Variants in SLC9A9 observed in about 807,000 individuals in gnomAD.
SLC9A9 encodes solute carrier family 9 member A9, also known as sodium/hydrogen exchanger 9.
In SLC9A9, 62 loss-of-function variants were observed where a neutral mutation model predicts 77.8. That is an observed-to-expected ratio of 0.80 (90% CI 0.65 to 0.98). SLC9A9 has a LOEUF of 0.98. Among genes scored for constraint, SLC9A9 ranks in the 50% least tolerant of loss-of-function variants. The pLI, the probability that SLC9A9 is intolerant of heterozygous loss-of-function variation, is 0.00. For synonymous variants in SLC9A9, 320 were observed against 283.5 expected, an observed-to-expected ratio of 1.13 and a Z score of -1.29; for missense variants, 775 against 774.9, an observed-to-expected ratio of 1.00 and a Z score of 0.00.
At chr3:143,449,067 A>T (rs375302641) in intron 12 of SLC9A9, among the ~76,000 whole-genome samples, 5 of 26,034 alleles carry the variant, frequency 1.9e-4, no homozygotes, top group Non-Finnish European at 2.7e-4. Context: ...AATTATATAA[A>T]TATAATTATA....
At chr3:143,303,649 C>A (rs1020278063) in intron 14 of SLC9A9, among the ~76,000 whole-genome samples, 1 of 152,204 alleles carries the variant, frequency 6.6e-6, no homozygotes, top group Non-Finnish European at 1.5e-5. Context: ...TACATATGAG[C>A]ATACTAAACC....
chr3:143,693,093 AATT>A, intron 5 of SLC9A9, 96 bp downstream of exon 5: 1 of 881,784 alleles, frequency 1.1e-6, no homozygotes, highest in African/African-American at 1.7e-5. Flanking sequence ...GAAAAATAGA[AATT>A]ATTATTATGT....
intron 14 of SLC9A9, among the ~76,000 whole-genome samples, chr3:143,336,032 A>T (rs2031910151): frequency 6.6e-6 from 1 of 152,232 alleles, no homozygotes; most frequent in Non-Finnish European, 1.5e-5. Context: ...TAATATTCAG[A>T]CTATGTTAAA....
At chr3:143,736,377 G>C (rs73154705) in intron 4 of SLC9A9, among the ~76,000 whole-genome samples, 2 of 152,094 alleles carry the variant, frequency 1.3e-5, no homozygotes, top group Admixed American at 1.3e-4. Context: ...TCAAGTGTTC[G>C]ATTATTCATT....
chr3:143,636,426 C>A (rs2038521667), intron 6 of SLC9A9, among the ~76,000 whole-genome samples: 1 of 152,114 alleles, frequency 6.6e-6, no homozygotes, highest in Non-Finnish European at 1.5e-5. Flanking sequence ...ACAATCATAT[C>A]CGCTCATCTA....
Position 143,787,778 on chromosome 3 carries a change from G to A in SLC9A9, c.533+7223C>T, listed in dbSNP as rs2008097204. ...ATGTCTCCTTAGTGCTCATATGTAA[G>A]TGGGTCCGTAAGAAAAATACTTAGA... On this transcript the variant is annotated intron_variant, in intron 4 of 15. Transcript: ENST00000316549. 2.0e-5 allele frequency among the ~76,000 whole-genome samples: 3 copies of A among 151,942 alleles called. No homozygotes were observed. In the South Asian group the frequency reaches 6.2e-4, roughly 32 times the overall value.
At chr3:143,452,749 A>G (rs57914974) in intron 12 of SLC9A9, among the ~76,000 whole-genome samples, 42,045 of 151,142 alleles carry the variant, frequency 0.28, 5,993 homozygotes, top group East Asian at 0.48. Context: ...TCTAGGTGCA[A>G]TAACGGTACT....
At chr3:143,587,197 T>C (rs1428555982) in intron 6 of SLC9A9, among the ~76,000 whole-genome samples, 1 of 152,250 alleles carries the variant, frequency 6.6e-6, no homozygotes, top group Non-Finnish European at 1.5e-5. Context: ...CAAATATTTA[T>C]TGAACATCTA....
intron 14 of SLC9A9, among the ~76,000 whole-genome samples, chr3:143,291,750 G>C (rs1385941945): frequency 6.6e-6 from 1 of 152,190 alleles, no homozygotes; most frequent in Non-Finnish European, 1.5e-5. Flanking sequence ...TTTTCTGTCT[G>C]AGGTGCCATT....
At chr3:143,308,393 G>A (rs1177685752) in intron 14 of SLC9A9, among the ~76,000 whole-genome samples, 3 of 151,890 alleles carry the variant, frequency 2.0e-5, no homozygotes, top group East Asian at 1.9e-4. Flanking sequence ...TGGCTAACAC[G>A]GTGAAACCCC....
chr3:143,749,531 G>A (rs530538021), intron 4 of SLC9A9, among the ~76,000 whole-genome samples: 31 of 152,156 alleles, frequency 2.0e-4, no homozygotes, highest in Non-Finnish European at 4.1e-4. Context: ...AAGGACTAAC[G>A]CTGAATGCTT....
chr3:143,376,420 A>T (rs575500906), intron 13 of SLC9A9, among the ~76,000 whole-genome samples: 22 of 152,364 alleles, frequency 1.4e-4, no homozygotes, highest in African/African-American at 5.1e-4. Context: ...GTCTTGGGAA[A>T]ATTAATTCTT....
In SLC9A9 at chr3:143,357,235, G is replaced by A. The variant is rs547573723; in HGVS notation, c.1604+6249C>T. On this transcript the variant is annotated intron_variant, in intron 14 of 15. Transcript: ENST00000316549. The stretch of plus-strand genomic sequence containing the variant: ...AATGATTTTAGTTTGTGGCTCTCCT[G>A]AAGAGTTCATCCCCCCATGAAATTC... 5.9e-5 allele frequency among the ~76,000 whole-genome samples: 9 copies of A among 152,246 alleles called. No individual in the cohort carries two copies. The South Asian group carries it at 1.7e-3, about 28-fold the overall frequency.
At chr3:143,655,888 G>A (rs1445414304) in intron 5 of SLC9A9, among the ~76,000 whole-genome samples, 1 of 152,188 alleles carries the variant, frequency 6.6e-6, no homozygotes, top group African/African-American at 2.4e-5. Flanking sequence ...TTTGATAAAG[G>A]ATGAAGAGAG....
chr3:143,497,620 C>A (rs1447809802), intron 9 of SLC9A9, among the ~76,000 whole-genome samples: 1 of 152,184 alleles, frequency 6.6e-6, no homozygotes, highest in Non-Finnish European at 1.5e-5. Context: ...AAAGAGAAGC[C>A]AGTTCCTGAT....
chr3:143,557,456 A>G (rs1261961894), intron 8 of SLC9A9, among the ~76,000 whole-genome samples: 1 of 152,180 alleles, frequency 6.6e-6, no homozygotes, highest in Non-Finnish European at 1.5e-5. Context: ...AGGTTGGAAC[A>G]GTTTGGAGGG....
intron 4 of SLC9A9, among the ~76,000 whole-genome samples, chr3:143,767,048 G>A (rs1464323916): frequency 3.9e-5 from 6 of 152,132 alleles, no homozygotes; most frequent in Non-Finnish European, 5.9e-5. Context: ...ATCTGAGTGC[G>A]CTTGAGCTAG....
intron 6 of SLC9A9, among the ~76,000 whole-genome samples, chr3:143,618,160 ATT>A (rs2038138905): frequency 6.6e-6 from 1 of 152,216 alleles, no homozygotes; most frequent in African/African-American, 2.4e-5. Flanking sequence ...GAGGAAAAGC[ATT>A]AATATAGACC....
intron 12 of SLC9A9, among the ~76,000 whole-genome samples, chr3:143,413,385 G>A (rs928336224): frequency 2.6e-5 from 4 of 152,144 alleles, no homozygotes; most frequent in Non-Finnish European, 5.9e-5. Flanking sequence ...TTCAAGAGTT[G>A]GGGGTTGCCG....
Sources: gnomAD v4.1 joint callset for allele counts (sites outside exome capture counted in the v4.1 genomes callset) on GRCh38, gnomAD v4.1.1 for gene constraint, MANE v1.5 for transcripts, NCBI Gene and HGNC (gene_info 2026-07-23, HGNC 2026-07-21) for gene names.